Variants in SEC14L6 observed in about 807,000 individuals in gnomAD.
SEC14L6 encodes the protein SEC14 like lipid binding 6, also known as SEC14-like protein 6.
A neutral mutation model predicts 54.1 loss-of-function variants in SEC14L6; 40 were observed. The ratio of observed to expected loss-of-function variants is 0.74; its 90% CI spans 0.57 to 0.96. The LOEUF (loss-of-function observed/expected upper bound fraction) is 0.96, where lower values mean the gene tolerates loss of function less well. Ranked by LOEUF, SEC14L6 falls within the 40% of genes least tolerant of loss-of-function variation. SEC14L6 has a pLI of 0.00. For missense variants in SEC14L6, 471 were observed against 498.3 expected (o/e 0.95, Z 0.52); for synonymous variants, 171 against 198.4 (o/e 0.86, Z 1.16).
At chr22:30,539,781 G>A (rs1317340851) in intron 1 of SEC14L6, among the ~76,000 whole-genome samples, 1 of 152,216 alleles carries the variant, frequency 6.6e-6, no homozygotes, top group East Asian at 1.9e-4. Context: ...AGCCTTCAAT[G>A]TAAAGACATG....
chr22:30,541,777 C>A (rs1275876958), intron 1 of SEC14L6, among the ~76,000 whole-genome samples: 1 of 152,124 alleles, frequency 6.6e-6, no homozygotes, highest in Non-Finnish European at 1.5e-5. Flanking sequence ...AGGCTGCAGT[C>A]AGCCATGTTC....
At chr22:30,545,175 C>T (rs533258679) in intron 1 of SEC14L6, among the ~76,000 whole-genome samples, 36 of 152,174 alleles carry the variant, frequency 2.4e-4, no homozygotes, top group Non-Finnish European at 4.0e-4. Context: ...TCAAGGGACT[C>T]CTCCCAGGCT....
intron 2 of SEC14L6, among the ~76,000 whole-genome samples, chr22:30,534,574 G>A (rs1225561829): frequency 1.3e-5 from 2 of 151,892 alleles, no homozygotes; most frequent in African/African-American, 4.8e-5. Flanking sequence ...ACCACGCCTG[G>A]CTAATTTTTG....
intron 6 of SEC14L6, among the ~76,000 whole-genome samples, chr22:30,531,441 C>A (rs201231725): frequency 3.4e-5 from 5 of 148,642 alleles, no homozygotes; most frequent in African/African-American, 7.5e-5. Flanking sequence ...AAAAAAAAAA[C>A]GGGCCAGGCA....
At chr22:30,529,058 G>A (rs1936875832) in intron 8 of SEC14L6, 29 bp downstream of exon 8, 1 of 1,525,194 alleles carries the variant, frequency 6.6e-7, no homozygotes, top group Non-Finnish European at 8.9e-7. Flanking sequence ...GATCCAGGCT[G>A]GAAAAGAGGC....
rs1240510124 is a variant in SEC14L6 at position 30,534,048 on chromosome 22, A to G, written c.131-9T>C. 3 of 1,550,760 alleles carry G rather than the reference A, an allele frequency of 1.9e-6. No homozygotes were observed. Among genetic ancestry groups the G allele is most frequent in the Non-Finnish European group, 1.7e-6 (2 of 1,146,960 alleles). On this transcript the variant is annotated splice_polypyrimidine_tract_variant and intron_variant, in intron 2 of 11. Transcript: ENST00000402034. The stretch of plus-strand genomic sequence containing the variant: ...CAGGTCAAAGCTCCGAGCTGCAACA[A>G]GAGACAGGGTTATGGTTGTGGAATT...
At chr22:30,544,146 C>A in intron 1 of SEC14L6, 1 of 1,146,738 alleles carries the variant, frequency 8.7e-7, no homozygotes, top group Non-Finnish European at 1.3e-6. Flanking sequence ...AAGGAGCCGC[C>A]ATGATGAGCA....
chr22:30,526,628 G>T (rs1936789772), intron 8 of SEC14L6, among the ~76,000 whole-genome samples: 1 of 152,174 alleles, frequency 6.6e-6, no homozygotes, highest in Non-Finnish European at 1.5e-5. Context: ...TACTTGGAAG[G>T]CTGAGAAGGG....
intron 1 of SEC14L6, among the ~76,000 whole-genome samples, chr22:30,541,624 C>T (rs2146298883): frequency 6.6e-6 from 1 of 151,978 alleles, no homozygotes; most frequent in Non-Finnish European, 1.5e-5. Context: ...CATCACTGCA[C>T]TCCAGCCTGG....
At position 30,542,840 on chromosome 22, in the gene SEC14L6, T is replaced by C. The variant is rs561913178; in HGVS notation, c.54+3789A>G. ...CAAAAAGAAGGCCACTTCCCCCGGG[T>C]AACAACTGTTTCAGATCTCACAAAG... On this transcript the variant is annotated intron_variant, in intron 1 of 11. Transcript: ENST00000402034. 7.5e-6 allele frequency: 12 copies of C among 1,595,962 alleles called. No homozygotes were observed. The South Asian group carries it at 1.2e-4, about 16-fold the overall frequency.
At chr22:30,530,528 G>A (rs1936935109) in intron 6 of SEC14L6, among the ~76,000 whole-genome samples, 1 of 152,174 alleles carries the variant, frequency 6.6e-6, no homozygotes, top group Non-Finnish European at 1.5e-5. Flanking sequence ...AGCCTCCCAA[G>A]TAGCTGAGAC....
chr22:30,525,280 C>T, intron 11 of SEC14L6, 70 bp downstream of exon 11: 2 of 1,542,060 alleles, frequency 1.3e-6, no homozygotes, highest in Non-Finnish European at 8.8e-7. Flanking sequence ...CTGGTAGGAC[C>T]TGGATGCACA....
chr22:30,545,267 C>G (rs1437070459), intron 1 of SEC14L6, among the ~76,000 whole-genome samples: 1 of 152,224 alleles, frequency 6.6e-6, no homozygotes, highest in African/African-American at 2.4e-5. Flanking sequence ...CCCCAGCAGG[C>G]CAGCAGCCTT....
chr22:30,525,579 G>A (rs752012916), intron 10 of SEC14L6, 32 bp downstream of exon 10: 6 of 1,609,530 alleles, frequency 3.7e-6, no homozygotes, highest in African/African-American at 2.7e-5. Flanking sequence ...CCTCCCAGAT[G>A]TGCCCAGGTG....
In SEC14L6 at chr22:30,525,468, C is replaced by G. The variant is rs1377959807; in HGVS notation, c.963G>C (p.Lys321Asn). The change falls in exon 11 of 12, where the codon AAG becomes AAC. Residue 321 changes from lysine to asparagine, a missense_variant. By Grantham distance (94) the Lys-to-Asn change is moderately conservative. Transcript: ENST00000402034. ...CCCTCTGCCGCTCCCCCATCTTGGT[C>G]TTCAGGAAAACCCCAAAGCCAATGT... ...GGDIGFGVFLKTKMGERQRAR... is the reference protein window; with the variant it reads ...GGDIGFGVFLNTKMGERQRAR... 7.4e-6 allele frequency: 12 copies of G among 1,614,190 alleles called. No homozygotes were observed. Among genetic ancestry groups the G allele is most frequent in the Non-Finnish European group, 9.3e-6 (11 of 1,180,026 alleles).
rs1170959930 is a variant in SEC14L6 at position 30,523,488 on chromosome 22, G to C, written c.*1509C>G. 6.6e-6 allele frequency: 1 copy of C among 152,216 alleles called. No homozygotes were observed. The highest frequency in any genetic ancestry group is 1.5e-5 in the Non-Finnish European group (1 of 68,094). 9.4% of individuals were successfully genotyped at this position (152,216 alleles called of 1,614,324 possible). A position where few individuals can be genotyped will look rare whatever the true frequency, so the allele number is the denominator to read the frequency against. ...TCCCACCTCAGCCTCCCAAGTAGCT[G>C]GGACTGCAGGCACTCGCCGCCACCA... On this transcript the variant is annotated 3_prime_UTR_variant, in exon 12 of 12. Coordinates refer to ENST00000402034, the MANE Select transcript of SEC14L6 (RefSeq NM_001193336.4).
At chr22:30,543,527 T>C in intron 1 of SEC14L6, 1 of 1,613,292 alleles carries the variant, frequency 6.2e-7, no homozygotes, top group Non-Finnish European at 8.5e-7. Context: ...CTGGTGAATG[T>C]ATCTGCCCAC....
At chr22:30,533,854 CA>C (rs1937062121) in intron 3 of SEC14L6, 141 bp downstream of exon 3, 1 of 766,136 alleles carries the variant, frequency 1.3e-6, no homozygotes, top group African/African-American at 1.8e-5. Context: ...CGCCTAGCAC[CA>C]GGCCAGGTTT....
chr22:30,533,892 T>G, intron 3 of SEC14L6, 104 bp downstream of exon 3: 1 of 1,117,424 alleles, frequency 8.9e-7, no homozygotes, highest in Non-Finnish European at 1.3e-6. Flanking sequence ...GAATGGGTGT[T>G]CCATGAATGA....
Sources: allele counts gnomAD v4.1 joint callset (sites outside exome capture counted in the v4.1 genomes callset), GRCh38; gene constraint gnomAD v4.1.1; transcripts MANE v1.5; gene names NCBI Gene and HGNC (gene_info 2026-07-23, HGNC 2026-07-21).